Variants in EPB41L1 observed in about 807,000 individuals in gnomAD.
The protein encoded by EPB41L1 is band 4.1-like protein 1.
A neutral mutation model predicts 97.8 loss-of-function variants in EPB41L1; 29 were observed. The ratio of observed to expected loss-of-function variants is 0.30; its 90% CI spans 0.22 to 0.40. EPB41L1 has a LOEUF of 0.40. Among genes scored for constraint, EPB41L1 ranks in the 10% least tolerant of loss-of-function variants. The probability of loss-of-function intolerance (pLI) is 1.00; values close to 1 mark genes in which losing one functional copy is unlikely to be tolerated. For missense variants in EPB41L1, 812 were observed against 1,162.3 expected, an observed-to-expected ratio of 0.70 and a Z score of 4.38; for synonymous variants, 383 against 459.2, an observed-to-expected ratio of 0.83 and a Z score of 2.12.
intron 13 of EPB41L1, chr20:36,197,559 T>G: frequency 1.6e-5 from 14 of 855,968 alleles, no homozygotes; most frequent in Non-Finnish European, 1.8e-5. Context: ...CCTGTGGGCT[T>G]TGGGTAGAGG....
In EPB41L1 at chr20:36,209,813, C is replaced by A; in HGVS notation, c.1994C>A (p.Ala665Asp). ...LLFSRDLNKG[A>D]PSQDDESGGI... ...TTCTCCCGGGATCTCAACAAGGGGGCCCCCAGCCAGGATGATGAGTCTGGG... is the reference window on the plus strand; with the variant it reads ...TTCTCCCGGGATCTCAACAAGGGGGACCCCAGCCAGGATGATGAGTCTGGG... Residue 665 changes from alanine to aspartate, a missense_variant, in exon 15 of 22, where the codon GCC becomes GAC. This residue lies in a region of EPB41L1 where 498 missense variants were observed against 622.7 expected (regional missense o/e 0.80). Transcript: ENST00000338074. The surrounding 1 kb of genome is among the most constrained non-coding windows in gnomAD (Gnocchi z 4.2). 6.2e-7 allele frequency: 1 copy of A among 1,613,762 alleles called. No individual in the cohort carries two copies. The highest frequency in any genetic ancestry group is 1.3e-5 in the African/African-American group (1 of 75,052).
chr20:36,180,675 A>G (rs1160510995), intron 5 of EPB41L1, among the ~76,000 whole-genome samples: 2 of 152,180 alleles, frequency 1.3e-5, no homozygotes, highest in African/African-American at 4.8e-5. Context: ...GGGTAGTGCT[A>G]GTACTTATAT....
At chr20:36,185,390 C>T in intron 7 of EPB41L1, 55 bp downstream of exon 7, 1 of 1,530,560 alleles carries the variant, frequency 6.5e-7, no homozygotes, top group Non-Finnish European at 8.9e-7. Context: ...GGGAGCCTTC[C>T]TTGCAGGCCT....
rs2147265000 is a variant in EPB41L1, at chr20:36,231,531, CG to C, written c.*2195del. Reference sequence around the variant, plus strand: ...CATCTCCCCACTCTCGCCAACCTATCGGGGCATAGCCCAGGGATGCCCCCAG... The same window carrying C: ...CATCTCCCCACTCTCGCCAACCTATCGGGCATAGCCCAGGGATGCCCCCAG... On this transcript the variant is annotated 3_prime_UTR_variant, in exon 22 of 22. Transcript: ENST00000338074. 6.6e-6 allele frequency: 1 copy of C among 152,426 alleles called. No individual in the cohort carries two copies. The highest frequency in any genetic ancestry group is 2.4e-5 in the African/African-American group (1 of 41,600). The allele number at this position is 152,426 out of a possible 1,614,324, so 9.4% of individuals were successfully genotyped here. A position where few individuals can be genotyped will look rare whatever the true frequency, so the allele number is the denominator to read the frequency against.
rs1569320303 is a variant in EPB41L1, at chr20:36,207,346, CTGGGGT to C, written c.1669-2140_1669-2135del. The C allele has an allele frequency of 7.8e-7, 1 of 1,288,378 alleles. No homozygotes were observed. The highest frequency in any genetic ancestry group is 1.2e-5 in the South Asian group (1 of 80,938). 79.8% of individuals were successfully genotyped at this position (1,288,378 alleles called of 1,614,324 possible). ...TGAAGAAGCTGAGGGGCGCATACCTCTGGGGTTTGGGTTCCCTTCAGGGAAGCGAAG... is the reference window on the plus strand; with the variant it reads ...TGAAGAAGCTGAGGGGCGCATACCTCTTGGGTTCCCTTCAGGGAAGCGAAG... On this transcript the variant is annotated intron_variant, in intron 14 of 21. Coordinates refer to ENST00000338074, the MANE Select transcript of EPB41L1 (RefSeq NM_012156.2). This position sits in a 1 kb window ranked among gnomAD's most constrained non-coding sequence, Gnocchi z 4.9.
chr20:36,161,172 G>C (rs1385495225), intron 1 of EPB41L1, among the ~76,000 whole-genome samples: 1 of 152,182 alleles, frequency 6.6e-6, no homozygotes, highest in Non-Finnish European at 1.5e-5. Context: ...CCCAGGGAAA[G>C]ACCCTTTCTT....
chr20:36,135,882 G>C (rs1221991670), intron 2 of EPB41L1, among the ~76,000 whole-genome samples: 1 of 152,150 alleles, frequency 6.6e-6, no homozygotes, highest in African/African-American at 2.4e-5. Context: ...CCCTCGGTAG[G>C]GGCAGAATTG....
intron 7 of EPB41L1, 31 bp downstream of exon 7, chr20:36,185,366 G>T (rs1362755754): frequency 1.3e-6 from 2 of 1,597,512 alleles, no homozygotes; most frequent in Non-Finnish European, 1.7e-6. Context: ...GCCTTCTGTG[G>T]CTCCTTGGCC....
In EPB41L1 at chr20:36,215,081, A is replaced by G. The variant is rs368779121; in HGVS notation, c.2268+641A>G. Among the ~76,000 whole-genome samples the G allele has an allele frequency of 3.3e-5, 5 of 150,986 alleles. No individual in the cohort carries two copies. In the East Asian group the frequency reaches 9.6e-4, roughly 29 times the overall value. The stretch of plus-strand genomic sequence containing the variant: ...ATCCCTTCATGATTAAACAGAACAG[A>G]TAGCATTTGGCACACAGGTTGTGGT... On this transcript the variant is annotated intron_variant, in intron 17 of 21. Transcript: ENST00000338074.
intron 2 of EPB41L1, among the ~76,000 whole-genome samples, chr20:36,115,833 A>G (rs1436538488): frequency 6.6e-6 from 1 of 152,186 alleles, no homozygotes; most frequent in Non-Finnish European, 1.5e-5. Flanking sequence ...TGGAGGTTGC[A>G]GTGAGTCGCA....
rs188844877 is a variant in EPB41L1 at position 36,117,407 on chromosome 20, C to G, written c.-10+4927C>G. On this transcript the variant is annotated intron_variant, in intron 2 of 19. Coordinates refer to the EPB41L1 transcript ENST00000202028. ...AGCATTTCTGTAAGGGGAAAAGAGG[C>G]AGAGGACAGAAGAATTCTTTCATAA... Among the ~76,000 whole-genome samples the G allele has an allele frequency of 1.6e-3, 242 of 151,078 alleles. 8 individuals carry two copies. Among genetic ancestry groups the G allele is most frequent in the African/African-American group, 5.6e-3 (225 of 40,360 alleles).
chr20:36,214,796 G>A (rs2063345161), intron 17 of EPB41L1, among the ~76,000 whole-genome samples: 1 of 151,914 alleles, frequency 6.6e-6, no homozygotes, highest in Admixed American at 6.6e-5. Context: ...CCTCCACTCT[G>A]AAGGTGAGGC....
intron 2 of EPB41L1, among the ~76,000 whole-genome samples, chr20:36,174,775 C>A (rs891264752): frequency 6.6e-6 from 1 of 152,098 alleles, no homozygotes; most frequent in Admixed American, 6.6e-5. Flanking sequence ...ACTAACTCCC[C>A]CATTTTACAC....
At chr20:36,130,440 A>C (rs1217400383) in intron 2 of EPB41L1, among the ~76,000 whole-genome samples, 1 of 151,944 alleles carries the variant, frequency 6.6e-6, no homozygotes, top group African/African-American at 2.4e-5. Flanking sequence ...TTTTCTCTTA[A>C]TGTTGTATCG....
intron 1 of EPB41L1, among the ~76,000 whole-genome samples, chr20:36,167,663 A>T (rs1191989120): frequency 6.6e-6 from 1 of 151,874 alleles, no homozygotes; most frequent in Non-Finnish European, 1.5e-5. Flanking sequence ...AGCCGAAATC[A>T]TGCCACTGCA....
chr20:36,205,992 C>T (rs755595075), intron 14 of EPB41L1: 35 of 1,289,736 alleles, frequency 2.7e-5, no homozygotes, highest in Non-Finnish European at 3.0e-5. Context: ...CCAAGGTAGA[C>T]GTTCTGGTGG....
At chr20:36,180,951 G>C (rs1299636094) in intron 5 of EPB41L1, among the ~76,000 whole-genome samples, 1 of 152,134 alleles carries the variant, frequency 6.6e-6, no homozygotes, top group African/African-American at 2.4e-5. Context: ...GAGTGACCCT[G>C]AGAGAGTGAC....
Position 36,206,413 on chromosome 20 carries a change from G to A in EPB41L1, c.1669-3075G>A, listed in dbSNP as rs745753619. 1.4e-4 allele frequency: 178 copies of A among 1,289,660 alleles called. No individual in the cohort carries two copies. The highest frequency in any genetic ancestry group is 3.2e-4 in the Admixed American group (14 of 43,552). The allele number at this position is 1,289,660 out of a possible 1,614,324, so 79.9% of individuals were successfully genotyped here. On this transcript the variant is annotated intron_variant, in intron 14 of 21. Transcript: ENST00000338074. This position sits in a 1 kb window ranked among gnomAD's most constrained non-coding sequence, Gnocchi z 5.5. ...GTCGTTTCTATTGGATCCAGCCCAC[G>A]CAGAAGCCAGAGCTGAGTTGAGCAA...
intron 2 of EPB41L1, among the ~76,000 whole-genome samples, chr20:36,134,476 A>G (rs2059340784): frequency 2.0e-5 from 3 of 152,194 alleles, no homozygotes; most frequent in Non-Finnish European, 2.9e-5. Context: ...CCCAGAAGGT[A>G]CTGTGGGGCA....
Sources: gnomAD v4.1 joint callset for allele counts (sites outside exome capture counted in the v4.1 genomes callset) on GRCh38, gnomAD v4.1.1 for gene constraint, gnomAD v4.1.1 regional missense constraint, Gnocchi (gnomAD v3.1) non-coding constraint, MANE v1.5 for transcripts, NCBI Gene and HGNC (gene_info 2026-07-23, HGNC 2026-07-21) for gene names.